The following UNKL variants were observed in gnomAD, a reference collection of about 807,000 sequenced individuals.
The protein encoded by UNKL is unk like zinc finger, also known as putative E3 ubiquitin-protein ligase UNKL.
In UNKL, 60 loss-of-function variants were observed where a neutral mutation model predicts 78.0. The observed-to-expected ratio is 0.77, with a 90% CI of 0.63 to 0.95. The LOEUF (loss-of-function observed/expected upper bound fraction) is 0.95. Among genes scored for constraint, UNKL ranks in the 40% least tolerant of loss-of-function variants. The pLI, the probability that UNKL is intolerant of heterozygous loss-of-function variation, is 0.00. For synonymous variants in UNKL, 608 were observed against 474.8 expected (o/e 1.28, Z -3.65); for missense variants, 1,159 against 1,045.7 (o/e 1.11, Z -1.49).
intron 12 of UNKL, among the ~76,000 whole-genome samples, chr16:1,368,495 G>A (rs1054053170): frequency 3.3e-5 from 5 of 151,624 alleles, no homozygotes; most frequent in South Asian, 2.1e-4. Context: ...CCAGCTACTC[G>A]GGAGGCTGAG....
At position 1,403,110 on chromosome 16, in the gene UNKL, T is replaced by G. The variant is rs2037602751; in HGVS notation, c.464+58A>C. The G allele has an allele frequency of 6.5e-7, 1 of 1,543,418 alleles. No individual in the cohort carries two copies. Among genetic ancestry groups the G allele is most frequent in the African/African-American group, 1.4e-5 (1 of 73,150 alleles). The stretch of plus-strand genomic sequence containing the variant: ...GAGCCACTTGCCGAGTTCCTGCTCA[T>G]CCAGCAGAGCCCACAGCAGCAGGCA... On this transcript the variant is annotated intron_variant, in intron 3 of 14. Coordinates refer to ENST00000389221, the MANE Select transcript of UNKL (RefSeq NM_001372107.1). The surrounding 1 kb of genome is among the most constrained non-coding windows in gnomAD (Gnocchi z 4.8).
In UNKL at chr16:1,399,256, G is replaced by A. The variant is rs2037407215; in HGVS notation, c.734+118C>T. 2.8e-6 allele frequency: 4 copies of A among 1,408,746 alleles called. No individual in the cohort carries two copies. Among genetic ancestry groups the A allele is most frequent in the East Asian group, 2.6e-5 (1 of 38,962 alleles). The allele number at this position is 1,408,746 out of a possible 1,614,324, so 87.3% of individuals were successfully genotyped here. On this transcript the variant is annotated intron_variant, in intron 5 of 14. Transcript: ENST00000389221. The surrounding 1 kb of genome is among the most constrained non-coding windows in gnomAD (Gnocchi z 5.8). ...CTTGGAGATGCCCTCCCCTCCCGGG[G>A]ATGATGGTGCCACAAGGGCAGCCCT...
At chr16:1,389,473 G>A (rs904880382) in intron 9 of UNKL, among the ~76,000 whole-genome samples, 5 of 152,164 alleles carry the variant, frequency 3.3e-5, no homozygotes, top group Non-Finnish European at 7.3e-5. Flanking sequence ...AACTCAGAAG[G>A]CTGAAGTGGG....
intron 6 of UNKL, among the ~76,000 whole-genome samples, chr16:1,394,736 A>G (rs1409365557): frequency 6.6e-6 from 1 of 151,928 alleles, no homozygotes; most frequent in Admixed American, 6.6e-5. Context: ...CGTAAAGGAC[A>G]CGGCACCTGG....
At position 1,379,672 on chromosome 16, in the gene UNKL, C is replaced by G. The variant is rs541777058; in HGVS notation, c.1264+5536G>C. The G allele has an allele frequency of 1.6e-5, 16 of 984,664 alleles. No homozygotes were observed. In the African/African-American group the frequency reaches 2.3e-4, roughly 14 times the overall value. The allele number at this position is 984,664 out of a possible 1,614,324, so 61.0% of individuals were successfully genotyped here. On this transcript the variant is annotated intron_variant, in intron 10 of 14. Coordinates refer to ENST00000389221, the MANE Select transcript of UNKL (RefSeq NM_001372107.1). The stretch of plus-strand genomic sequence containing the variant: ...GTCCGCGGCCGCCCCGCGCCGCCGC[C>G]GGGGATTCAAACCCGGCCCGCGCCC...
intron 10 of UNKL, among the ~76,000 whole-genome samples, chr16:1,372,073 G>C (rs192081250): frequency 6.9e-6 from 1 of 144,684 alleles, no homozygotes; most frequent in African/African-American, 2.6e-5. Context: ...TGGCTAACAC[G>C]GTGAAACCCC....
Position 1,403,576 on chromosome 16 carries a change from G to A in UNKL, c.288-232C>T, listed in dbSNP as rs528030784. On this transcript the variant is annotated intron_variant, in intron 2 of 14. Transcript: ENST00000389221. The surrounding 1 kb of genome is among the most constrained non-coding windows in gnomAD (Gnocchi z 4.8). ...ACCCCCAGTCAACCAGTCAAACACA[G>A]TAAGAAACACAGACCATCGCAAACC... 6.6e-6 allele frequency among the ~76,000 whole-genome samples: 1 copy of A among 152,268 alleles called. No individual in the cohort carries two copies. The highest frequency in any genetic ancestry group is 1.9e-4 in the East Asian group (1 of 5,182).
chr16:1,389,587 A>T (rs111277481), intron 9 of UNKL, among the ~76,000 whole-genome samples: 2 of 152,210 alleles, frequency 1.3e-5, no homozygotes, highest in African/African-American at 4.8e-5. Context: ...AAAATTTAAG[A>T]ATCTGTAAAA....
At chr16:1,375,931 CCTCAAAGCCT>C (rs2036180479) in intron 10 of UNKL, among the ~76,000 whole-genome samples, 1 of 152,238 alleles carries the variant, frequency 6.6e-6, no homozygotes, top group African/African-American at 2.4e-5. Flanking sequence ...GAGGGCAAGA[CCTCAAAGCCT>C]GACTGAAGTC....
chr16:1,367,495 T>TCCCTCCCTCCCTCCCTCCCC, intron 13 of UNKL, 146 bp from the exon 14 acceptor site: 1 of 97,000 alleles, frequency 1.0e-5, no homozygotes, highest in Non-Finnish European at 1.5e-5. Flanking sequence ...CCTCCCTCCC[T>TCCCTCCCTCCCTCCCTCCCC]CCCTCCCTCC....
intron 12 of UNKL, 160 bp from the exon 13 acceptor site, chr16:1,368,018 C>G (rs1348637117): frequency 7.6e-6 from 5 of 653,792 alleles, no homozygotes; most frequent in Non-Finnish European, 1.3e-5. Context: ...TTGCCCCACT[C>G]CTGGACCCCA....
rs534140826 is a variant in UNKL, at chr16:1,363,767, C to T, written c.*2473G>A. On this transcript the variant is annotated 3_prime_UTR_variant, in exon 15 of 15. Transcript: ENST00000389221. ...CCAGGATCTTGCCCCCATTTCCAAC[C>T]CTGGCAGCGCTGCCAGCCATTCTTT... 48 of 159,246 alleles carry T rather than the reference C, an allele frequency of 3.0e-4. No individual in the cohort carries two copies. The highest frequency in any genetic ancestry group is 5.4e-4 in the Non-Finnish European group (39 of 72,246). The allele number at this position is 159,246 out of a possible 1,614,324, so 9.9% of individuals were successfully genotyped here.
In UNKL at chr16:1,409,667, T is replaced by A. The variant is rs186461346; in HGVS notation, c.287+4179A>T. ...ATGGAACTGCTACTTGAGCACAGCT[T>A]GAAGTGACCACCTAGAGGCAGGCGC... On this transcript the variant is annotated intron_variant, in intron 2 of 14. Transcript: ENST00000389221. Among the ~76,000 whole-genome samples the A allele has an allele frequency of 2.8e-3, 427 of 152,266 alleles. 7 individuals carry two copies. The highest frequency in any genetic ancestry group is 1.1e-3 in the Non-Finnish European group (78 of 68,026).
chr16:1,397,072 C>T (rs1006315223), intron 6 of UNKL, 106 bp downstream of exon 6: 27 of 1,289,638 alleles, frequency 2.1e-5, no homozygotes, highest in Middle Eastern at 2.5e-4. Context: ...CAGCCCTCGG[C>T]CAAAGTTAAT....
chr16:1,370,774 T>C (rs1231599230), intron 11 of UNKL, among the ~76,000 whole-genome samples: 1 of 152,204 alleles, frequency 6.6e-6, no homozygotes, highest in East Asian at 1.9e-4. Context: ...AAAGATGTTG[T>C]ATACGATGTT....
chr16:1,370,450 AGGT>A (rs768391541), intron 11 of UNKL, 93 bp from the exon 12 acceptor site: 57 of 1,163,038 alleles, frequency 4.9e-5, no homozygotes, highest in Middle Eastern at 6.6e-4. Flanking sequence ...CGGACCCTGC[AGGT>A]GGTGGTGGTG....
intron 2 of UNKL, among the ~76,000 whole-genome samples, chr16:1,407,560 G>A (rs921713872): frequency 1.3e-5 from 2 of 152,080 alleles, no homozygotes; most frequent in Non-Finnish European, 2.9e-5. Context: ...GCTGGGCGTG[G>A]TGGTGTGCGC....
intron 1 of UNKL, 57 bp downstream of exon 1, chr16:1,414,558 G>A (rs1487776620): frequency 2.5e-6 from 2 of 797,656 alleles, no homozygotes; most frequent in African/African-American, 1.9e-5. Flanking sequence ...GCCCCGGCGG[G>A]AGGCTCCGAG....
chr16:1,375,754 C>T (rs1308782120), intron 10 of UNKL, among the ~76,000 whole-genome samples: 1 of 152,226 alleles, frequency 6.6e-6, no homozygotes, highest in African/African-American at 2.4e-5. Context: ...TGCTCATCGG[C>T]GGAGCCAAAG....
Sources: gnomAD v4.1 joint callset for allele counts (sites outside exome capture counted in the v4.1 genomes callset) on GRCh38, gnomAD v4.1.1 for gene constraint, Gnocchi (gnomAD v3.1) non-coding constraint, MANE v1.5 for transcripts, NCBI Gene and HGNC (gene_info 2026-07-23, HGNC 2026-07-21) for gene names.